Variants in UBAC1 observed in about 807,000 individuals in gnomAD.
The protein encoded by UBAC1 is ubiquitin-associated domain-containing protein 1.
In UBAC1, 27 loss-of-function variants were observed where a neutral mutation model predicts 45.9. That is an observed-to-expected ratio of 0.59 (90% CI 0.43 to 0.81). UBAC1 has a LOEUF of 0.81. UBAC1 is among the 30% of genes least tolerant of loss of function. The pLI is 0.00. For synonymous variants in UBAC1, 227 were observed against 215.5 expected (o/e 1.05, Z -0.47); for missense variants, 529 against 539.2 (o/e 0.98, Z 0.19).
In UBAC1 at chr9:135,961,005, G is replaced by A. The variant is rs1360701501; in HGVS notation, c.138+20C>T. 4 of 1,527,582 alleles carry A rather than the reference G, an allele frequency of 2.6e-6. No individual in the cohort carries two copies. The East Asian group carries it at 1.1e-4, about 41-fold the overall frequency. The allele number at this position is 1,527,582 out of a possible 1,614,324, so 94.6% of individuals were successfully genotyped here. A position where few individuals can be genotyped will look rare whatever the true frequency, so the allele number is the denominator to read the frequency against. On this transcript the variant is annotated intron_variant, in intron 1 of 9. Transcript: ENST00000371756. ...GGTCCGGAGCGGGTGTTGGGGGCAG[G>A]GGAGGGGGCCCGGCCTTACGTGCTT... is the stretch of plus-strand genomic sequence containing the variant.
chr9:135,938,789 G>A (rs965497603), intron 8 of UBAC1, among the ~76,000 whole-genome samples: 8 of 139,044 alleles, frequency 5.8e-5, no homozygotes, highest in Non-Finnish European at 7.8e-5. Flanking sequence ...TGTGAGCCAC[G>A]AACTCCACTG....
chr9:135,934,939 G>A (rs1228825247), intron 9 of UBAC1, among the ~76,000 whole-genome samples: 1 of 152,044 alleles, frequency 6.6e-6, no homozygotes, highest in African/African-American at 2.4e-5. Context: ...GGAGTGCAGT[G>A]GAGTGATCAT....
At position 135,936,330 on chromosome 9, in the gene UBAC1, C is replaced by T. The variant is rs1839202841; in HGVS notation, c.1102+1892G>A. On this transcript the variant is annotated intron_variant, in intron 9 of 9. Transcript: ENST00000371756. ...AGAATAAAAATAAACTCACAAAAGACCATTCTCAAGTTTTAGAATTTGGGT... is the reference window on the plus strand; with the variant it reads ...AGAATAAAAATAAACTCACAAAAGATCATTCTCAAGTTTTAGAATTTGGGT... 4.6e-5 allele frequency among the ~76,000 whole-genome samples: 7 copies of T among 152,102 alleles called. No individual in the cohort carries two copies. In the South Asian group the frequency reaches 1.4e-3, roughly 31 times the overall value.
intron 1 of UBAC1, among the ~76,000 whole-genome samples, chr9:135,956,701 G>T (rs1031437181): frequency 2.6e-5 from 4 of 152,216 alleles, no homozygotes; most frequent in African/African-American, 9.6e-5. Context: ...GAGAGGGGCT[G>T]CACTTCTGTG....
chr9:135,945,089 T>C lies in UBAC1; in HGVS notation c.815A>G (p.Asp272Gly), dbSNP rs773436911. 5 of 1,606,686 alleles carry C rather than the reference T, an allele frequency of 3.1e-6. No homozygotes were observed. In the Admixed American group the frequency reaches 5.1e-5, roughly 16 times the overall value. The change falls in exon 7 of 10, where the codon GAT (aspartate) becomes GGT (glycine). Residue 272 changes from aspartate to glycine, a missense_variant. By Grantham distance (94) the Asp-to-Gly change is moderately conservative (BLOSUM62 -1). Coordinates refer to ENST00000371756, the MANE Select transcript of UBAC1 (RefSeq NM_016172.3). ...CTTCTTGAAGATTTCCGTCAGCTCATCTCTGGCCTCCTCATCGGTGGCGCT... is the reference window on the plus strand; with the variant it reads ...CTTCTTGAAGATTTCCGTCAGCTCACCTCTGGCCTCCTCATCGGTGGCGCT... ...GASATDEEAR[D>G]ELTEIFKKIR... is the part of the protein sequence containing the mutation.
intron 3 of UBAC1, chr9:135,948,181 G>T (rs1417503543): frequency 5.3e-6 from 2 of 376,196 alleles, no homozygotes; most frequent in Admixed American, 4.5e-5. Context: ...ACCACACAGG[G>T]ACCGTGGCAG....
intron 1 of UBAC1, among the ~76,000 whole-genome samples, chr9:135,960,531 G>T (rs1242222695): frequency 6.6e-6 from 1 of 152,152 alleles, no homozygotes; most frequent in Non-Finnish European, 1.5e-5. Flanking sequence ...GAAGAGGAAG[G>T]AGAAGGGGCC....
At position 135,938,352 on chromosome 9, in the gene UBAC1, CCA is replaced by C; in HGVS notation, c.970_971del (p.Trp324AlafsTer29). ...GAGAGGGCTTCCGGTCCCCCAGCAG[CCA>C]CTCGCACTGCAAAGCCAAGAGCACC... ...NNNQQNAACE[W>X]LLGDRKPSPE... On this transcript the variant is annotated frameshift_variant, in exon 9 of 10. Coordinates refer to ENST00000371756, the MANE Select transcript of UBAC1 (RefSeq NM_016172.3). LOFTEE classifies it high-confidence loss of function. 2 of 1,613,332 alleles carry C rather than the reference CCA, an allele frequency of 1.2e-6. No homozygotes were observed. The highest frequency in any genetic ancestry group is 1.7e-6 in the Non-Finnish European group (2 of 1,179,888).
intron 3 of UBAC1, among the ~76,000 whole-genome samples, chr9:135,953,145 G>A (rs931726899): frequency 3.3e-5 from 5 of 152,190 alleles, no homozygotes; most frequent in Non-Finnish European, 7.3e-5. Context: ...TCAGAGGCAG[G>A]TTTTCCGTGC....
At position 135,933,085 on chromosome 9, in the gene UBAC1, A is replaced by G. The variant is rs1251657816; in HGVS notation, c.*315T>C. 3.6e-6 allele frequency: 1 copy of G among 279,968 alleles called. No individual in the cohort carries two copies. Among genetic ancestry groups the G allele is most frequent in the East Asian group, 7.4e-5 (1 of 13,480 alleles). 17.3% of individuals were successfully genotyped at this position (279,968 alleles called of 1,614,324 possible). A position where few individuals can be genotyped will look rare whatever the true frequency, so the allele number is the denominator to read the frequency against. Reference sequence around the variant, plus strand: ...CGTCAAATAACAAGTGGACTCTCCAAGCAAATGTCTACACGGCAATTCAAG... The same window carrying G: ...CGTCAAATAACAAGTGGACTCTCCAGGCAAATGTCTACACGGCAATTCAAG... On this transcript the variant is annotated 3_prime_UTR_variant, in exon 10 of 10. Transcript: ENST00000371756.
chr9:135,946,139 GC>G, intron 5 of UBAC1, 129 bp downstream of exon 5: 1 of 1,017,976 alleles, frequency 9.8e-7, no homozygotes, highest in Non-Finnish European at 1.5e-6. Context: ...GGTGAGGCAG[GC>G]CCCAGGCCCT....
chr9:135,938,949 A>G (rs1007555921), intron 8 of UBAC1, among the ~76,000 whole-genome samples: 2 of 152,220 alleles, frequency 1.3e-5, no homozygotes, highest in African/African-American at 4.8e-5. Context: ...TGGCTCATGC[A>G]TGTAATCCCA....
intron 4 of UBAC1, among the ~76,000 whole-genome samples, chr9:135,946,786 C>T (rs1043135321): frequency 3.3e-5 from 5 of 152,244 alleles, no homozygotes; most frequent in South Asian, 2.1e-4. Context: ...GCGTCTGCGG[C>T]GGCCATCACT....
intron 6 of UBAC1, 95 bp from the exon 7 acceptor site, chr9:135,945,345 T>C (rs1397546994): frequency 9.0e-7 from 1 of 1,111,034 alleles, no homozygotes; most frequent in Non-Finnish European, 1.2e-6. Context: ...GCTATGGTAG[T>C]GACTTCTCCA....
At chr9:135,944,971 G>A (rs1024679577) in intron 7 of UBAC1, 57 bp downstream of exon 7, 45 of 1,516,262 alleles carry the variant, frequency 3.0e-5, no homozygotes, top group Non-Finnish European at 3.8e-5. Context: ...TTTCCATGGC[G>A]CCACCTCAAG....
At position 135,933,491 on chromosome 9, in the gene UBAC1, G is replaced by A; in HGVS notation, c.1127C>T (p.Pro376Leu). The change falls in exon 10 of 10, where the codon CCA (proline) becomes CTA (leucine). Residue 376 changes from proline to leucine, a missense_variant. Transcript: ENST00000371756. ...LLAFEDMLEN[P>L]LNSTQWMNDP... ...ATTCATCCACTGGGTGCTGTTCAGTGGGTTCTCCAGCATGTCTTCAAATGC... is the reference window on the plus strand; with the variant it reads ...ATTCATCCACTGGGTGCTGTTCAGTAGGTTCTCCAGCATGTCTTCAAATGC... 6.2e-7 allele frequency: 1 copy of A among 1,614,066 alleles called. No homozygotes were observed. Among genetic ancestry groups the A allele is most frequent in the Non-Finnish European group, 8.5e-7 (1 of 1,179,998 alleles).
chr9:135,948,678 G>A (rs915236), intron 3 of UBAC1, among the ~76,000 whole-genome samples: 104,468 of 152,156 alleles, frequency 0.69, 36,034 homozygotes, highest in East Asian at 0.77. Flanking sequence ...GCAGGGGAGC[G>A]GGGCAGACAC....
intron 9 of UBAC1, among the ~76,000 whole-genome samples, chr9:135,935,894 C>T (rs1356604269): frequency 6.6e-6 from 1 of 151,900 alleles, no homozygotes; most frequent in Admixed American, 6.6e-5. Flanking sequence ...GGCACGGTGG[C>T]GGGCACCTGT....
intron 9 of UBAC1, among the ~76,000 whole-genome samples, chr9:135,937,261 G>A (rs1382486429): frequency 6.6e-6 from 1 of 151,924 alleles, no homozygotes; most frequent in African/African-American, 2.4e-5. Flanking sequence ...GGCAAACATG[G>A]TGAAAGCCGT....
Sources: allele counts gnomAD v4.1 joint callset (sites outside exome capture counted in the v4.1 genomes callset), GRCh38; gene constraint gnomAD v4.1.1; transcripts MANE v1.5; gene names NCBI Gene and HGNC (gene_info 2026-07-23, HGNC 2026-07-21).